Variants in AMBP observed in about 807,000 individuals in gnomAD.
AMBP encodes the protein alpha-1-microglobulin/bikunin precursor, also known as protein AMBP.
AMBP carries 37 observed loss-of-function variants against 46.3 expected under a neutral mutation model. The ratio of observed to expected loss-of-function variants is 0.80; its 90% CI spans 0.61 to 1.05. The LOEUF is 1.05. Ranked by LOEUF, AMBP falls within the 50% of genes least tolerant of loss-of-function variation. The probability of loss-of-function intolerance (pLI) is 0.00; values close to 1 mark genes in which losing one functional copy is unlikely to be tolerated. For synonymous variants in AMBP, 174 were observed against 175.9 expected, an observed-to-expected ratio of 0.99 and a Z score of 0.09; for missense variants, 475 against 461.2, an observed-to-expected ratio of 1.03 and a Z score of -0.27.
intron 4 of AMBP, among the ~76,000 whole-genome samples, chr9:114,073,285 C>T (rs973994218): frequency 2.9e-4 from 44 of 150,574 alleles, no homozygotes; most frequent in African/African-American, 9.8e-4. Flanking sequence ...CTCACTCTGT[C>T]GCCTAGGCTG....
At chr9:114,073,967 T>G in intron 4 of AMBP, 69 bp downstream of exon 4, 1 of 1,455,252 alleles carries the variant, frequency 6.9e-7, no homozygotes, top group Non-Finnish European at 9.7e-7. Context: ...GCTTACCCAC[T>G]CCACTGTCCA....
chr9:114,074,118 GTGGACCACAT>G lies in AMBP; in HGVS notation c.362_371del (p.Tyr121SerfsTer11). On this transcript the variant is annotated frameshift_variant, in exon 4 of 10. Transcript: ENST00000265132. LOFTEE classifies it high-confidence loss of function. ...AAATGGCATACTCATCATAGTTGGT[GTGGACCACAT>G]AGGACTCCATGGTTATGTTCCATTC... The G allele has an allele frequency of 6.2e-7, 1 of 1,614,176 alleles. No individual in the cohort carries two copies. Among genetic ancestry groups the G allele is most frequent in the Non-Finnish European group, 8.5e-7 (1 of 1,180,030 alleles).
rs971878409 is a variant in AMBP, at chr9:114,075,158, T to C, written c.261-122A>G. On this transcript the variant is annotated intron_variant, in intron 2 of 9. Coordinates refer to ENST00000265132, the MANE Select transcript of AMBP (RefSeq NM_001633.4). ...TTGGGGTTTTTTTGTTTGTGTGTTT[T>C]TGTTTGCTTTTTAATTCGGAAATGA... 2.4e-4 allele frequency: 168 copies of C among 708,514 alleles called. 1 individual carries two copies. The highest frequency in any genetic ancestry group is 6.8e-5 in the Non-Finnish European group (29 of 424,316). The allele number at this position is 708,514 out of a possible 1,614,324, so 43.9% of individuals were successfully genotyped here.
intron 3 of AMBP, 75 bp downstream of exon 3, chr9:114,074,885 G>A (rs1846788465): frequency 5.3e-6 from 7 of 1,313,426 alleles, no homozygotes; most frequent in Non-Finnish European, 7.7e-6. Flanking sequence ...GGTTACAGAG[G>A]CAGAGGGAGC....
intron 6 of AMBP, among the ~76,000 whole-genome samples, chr9:114,065,796 C>A (rs1846687959): frequency 6.6e-6 from 1 of 151,940 alleles, no homozygotes; most frequent in Admixed American, 6.6e-5. Context: ...TCCCATTGTA[C>A]CAGAACAAAC....
chr9:114,064,534 A>C (rs1189920030), intron 6 of AMBP, among the ~76,000 whole-genome samples: 1 of 152,196 alleles, frequency 6.6e-6, no homozygotes, highest in Non-Finnish European at 1.5e-5. Flanking sequence ...ACTCTTTTGC[A>C]AGGGGAGTCA....
intron 2 of AMBP, among the ~76,000 whole-genome samples, chr9:114,075,499 G>C (rs1397146758): frequency 6.6e-6 from 1 of 152,204 alleles, no homozygotes. Context: ...AAAGAACTTG[G>C]AGGAAGCACT....
chr9:114,071,058 G>A (rs902789099), intron 5 of AMBP, among the ~76,000 whole-genome samples: 1 of 152,210 alleles, frequency 6.6e-6, no homozygotes. Flanking sequence ...CTGCAAAGGG[G>A]TGTGGCTGGG....
In AMBP at chr9:114,061,577, C is replaced by T. The variant is rs1846639894; in HGVS notation, c.700G>A (p.Gly234Ser). Reference protein sequence around the residue: ...VTKKEDSCQLGYSAGPCMGMT... With the variant: ...VTKKEDSCQLSYSAGPCMGMT... ...CCCATGCAGGGACCGGCCGAGTAGC[C>T]CAGCTGGCAGGAATCTAGGGAGGGG... The change falls in exon 8 of 10, where the codon GGC becomes AGC. Residue 234 changes from glycine (G) to serine (S), a missense_variant. Gly to Ser is a moderately conservative substitution (Grantham distance 56). This residue lies in a region of AMBP where 293 missense variants were observed against 276.9 expected (regional missense o/e 1.06). Coordinates refer to ENST00000265132, the MANE Select transcript of AMBP (RefSeq NM_001633.4). The T allele has an allele frequency of 6.2e-7, 1 of 1,600,784 alleles. No homozygotes were observed. The highest frequency in any genetic ancestry group is 8.5e-7 in the Non-Finnish European group (1 of 1,171,104).
At chr9:114,064,623 C>A (rs1313826506) in intron 6 of AMBP, among the ~76,000 whole-genome samples, 2 of 151,942 alleles carry the variant, frequency 1.3e-5, no homozygotes, top group Non-Finnish European at 2.9e-5. Flanking sequence ...CAGATTGAAA[C>A]TCTCCTCTAG....
At chr9:114,061,290 A>G in intron 8 of AMBP, 134 bp downstream of exon 8, 1 of 1,471,828 alleles carries the variant, frequency 6.8e-7, no homozygotes, top group East Asian at 2.3e-5. Flanking sequence ...GGAATTCCTA[A>G]GATTTCAGGA....
chr9:114,069,590 C>T (rs1404307232), intron 6 of AMBP, 109 bp downstream of exon 6: 1 of 1,095,920 alleles, frequency 9.1e-7, no homozygotes, highest in Non-Finnish European at 1.3e-6. Context: ...CTTCTCTCAC[C>T]CCCTCCCCAT....
Position 114,062,719 on chromosome 9 carries a change from A to G in AMBP, c.643T>C (p.Ser215Pro). 1.9e-6 allele frequency: 3 copies of G among 1,613,982 alleles called. No homozygotes were observed. Among genetic ancestry groups the G allele is most frequent in the Non-Finnish European group, 2.5e-6 (3 of 1,180,012 alleles). Reference protein sequence around the residue: ...RAVLPQEEEGSGGGQLVTEVT... With the variant: ...RAVLPQEEEGPGGGQLVTEVT... ...TCAGTTACCAGTTGCCCACCCCCTG[A>G]TCCTTCCTCTTCTTGGGGTAGCACA... Residue 215 changes from serine (S) to proline (P), a missense_variant, in exon 7 of 10, where the codon TCA (serine) becomes CCA (proline). This residue lies in a region of AMBP where 293 missense variants were observed against 276.9 expected (regional missense o/e 1.06). Coordinates refer to ENST00000265132, the MANE Select transcript of AMBP (RefSeq NM_001633.4).
intron 6 of AMBP, among the ~76,000 whole-genome samples, chr9:114,068,449 TAC>T (rs1294065264): frequency 1.3e-5 from 2 of 149,788 alleles, no homozygotes; most frequent in Non-Finnish European, 3.0e-5. Flanking sequence ...AAAAAAAAAA[TAC>T]AAAAATTAGC....
intron 7 of AMBP, 85 bp from the exon 8 acceptor site, chr9:114,061,676 T>C: frequency 7.1e-7 from 1 of 1,400,986 alleles, no homozygotes; most frequent in South Asian, 1.5e-5. Context: ...CGCCATCTCA[T>C]TTAATTTTCA....
intron 2 of AMBP, among the ~76,000 whole-genome samples, chr9:114,075,544 C>G (rs1188291287): frequency 6.6e-6 from 1 of 152,228 alleles, no homozygotes; most frequent in East Asian, 1.9e-4. Context: ...ACAATGAGCA[C>G]TATTTATCCA....
intron 4 of AMBP, among the ~76,000 whole-genome samples, chr9:114,073,476 G>A (rs1846767179): frequency 1.1e-5 from 1 of 92,846 alleles, no homozygotes; most frequent in Admixed American, 1.0e-4. Flanking sequence ...TCAATAGCCA[G>A]GATGGTCTCA....
intron 5 of AMBP, among the ~76,000 whole-genome samples, chr9:114,071,202 C>T (rs1355563632): frequency 6.6e-6 from 1 of 152,234 alleles, no homozygotes; most frequent in Non-Finnish European, 1.5e-5. Context: ...CATTTCTGCA[C>T]TCTCAGGGCC....
intron 5 of AMBP, 84 bp downstream of exon 5, chr9:114,072,837 TAGTA>T (rs1564372799): frequency 1.9e-5 from 22 of 1,187,458 alleles, no homozygotes; most frequent in Non-Finnish European, 2.6e-5. Flanking sequence ...CAGAGGGTTA[TAGTA>T]AGGACCCAGG....
Sources: gnomAD v4.1 joint callset for allele counts (sites outside exome capture counted in the v4.1 genomes callset) on GRCh38, gnomAD v4.1.1 for gene constraint, gnomAD v4.1.1 regional missense constraint, MANE v1.5 for transcripts, NCBI Gene and HGNC (gene_info 2026-07-23, HGNC 2026-07-21) for gene names.